Variants in HTT observed in about 807,000 individuals in gnomAD.
The protein encoded by HTT is huntingtin, also known as huntington disease protein.
In HTT, 104 loss-of-function variants were observed where a neutral mutation model predicts 362.3. The observed-to-expected ratio is 0.29, with a 90% CI of 0.24 to 0.34. The LOEUF (loss-of-function observed/expected upper bound fraction) is 0.34. Among genes scored for constraint, HTT ranks in the 10% least tolerant of loss-of-function variants. HTT has a pLI of 1.00. For missense variants in HTT, 3,301 were observed against 3,928.6 expected (o/e 0.84, Z 4.27); for synonymous variants, 1,577 against 1,548.7 (o/e 1.02, Z -0.43).
At position 3,218,371 on chromosome 4, in the gene HTT, G is replaced by T. The variant is rs1037018797; in HGVS notation, c.7242+419G>T. Among the ~76,000 whole-genome samples the T allele has an allele frequency of 2.6e-5, 4 of 152,208 alleles. No homozygotes were observed. The highest frequency in any genetic ancestry group is 5.9e-5 in the Non-Finnish European group (4 of 68,040). On this transcript the variant is annotated intron_variant, in intron 52 of 66. Transcript: ENST00000355072. The surrounding 1 kb of genome is among the most constrained non-coding windows in gnomAD (Gnocchi z 4.4). The stretch of plus-strand genomic sequence containing the variant: ...GTTATTGCCAGGCGCAGTAGCTCAT[G>T]CCTGTAATCCCAGCACTTTGGGAAG...
intron 23 of HTT, 123 bp downstream of exon 23, chr4:3,143,009 A>C: frequency 1.5e-6 from 1 of 651,834 alleles, no homozygotes; most frequent in East Asian, 2.6e-5. Flanking sequence ...CTTATCCATG[A>C]GGCTTGCTAA....
chr4:3,225,437 C>T (rs1720865335), intron 56 of HTT, among the ~76,000 whole-genome samples: 1 of 152,250 alleles, frequency 6.6e-6, no homozygotes, highest in Admixed American at 6.5e-5. Flanking sequence ...GAAAAAGTGA[C>T]AGAGTCCAGC....
At chr4:3,181,467 A>G (rs1165582188) in intron 36 of HTT, among the ~76,000 whole-genome samples, 1 of 152,172 alleles carries the variant, frequency 6.6e-6, no homozygotes, top group South Asian at 2.1e-4. Flanking sequence ...TAAGAATTCA[A>G]AGACATTTTG....
intron 46 of HTT, 65 bp from the exon 47 acceptor site, chr4:3,209,762 C>T: frequency 6.3e-7 from 1 of 1,595,190 alleles, no homozygotes; most frequent in South Asian, 1.1e-5. Flanking sequence ...CCTGTAGCTC[C>T]AGGGATGTGA....
At chr4:3,147,225 G>A (rs1293402108) in intron 25 of HTT, among the ~76,000 whole-genome samples, 3 of 152,172 alleles carry the variant, frequency 2.0e-5, no homozygotes, top group African/African-American at 7.2e-5. Flanking sequence ...GGCACCATAT[G>A]CCAGTACTCC....
intron 8 of HTT, among the ~76,000 whole-genome samples, chr4:3,118,495 A>G (rs1715136937): frequency 6.6e-6 from 1 of 152,210 alleles, no homozygotes; most frequent in Non-Finnish European, 1.5e-5. Context: ...CTTTATAGAC[A>G]GAAAATGTGG....
chr4:3,083,789 TAATCCTAGAGA>T (rs1304403021), intron 1 of HTT, among the ~76,000 whole-genome samples: 1 of 152,114 alleles, frequency 6.6e-6, no homozygotes, highest in Non-Finnish European at 1.5e-5. Flanking sequence ...TCCTGGGCAT[TAATCCTAGAGA>T]AATGAAACCT....
Position 3,131,323 on chromosome 4 carries a change from A to C in HTT, c.2024A>C (p.Asp675Ala). Residue 675 changes from aspartate (D) to alanine (A), a missense_variant, in exon 15 of 67, where the codon GAT becomes GCT. Physicochemically the swap from Asp to Ala is moderately radical, Grantham distance 126. This residue lies in a region of HTT where 2,316 missense variants were observed against 2,658.5 expected (regional missense o/e 0.87). Transcript: ENST00000355072. The stretch of plus-strand genomic sequence containing the variant: ...AAAGGTGACATTGGACAGTCCACTG[A>C]TGATGACTCTGCACCTCTTGTCCAT... ...RIKGDIGQSTDDDSAPLVHCV... is the reference protein window; with the variant it reads ...RIKGDIGQSTADDSAPLVHCV... The C allele has an allele frequency of 1.2e-6, 2 of 1,614,042 alleles. No individual in the cohort carries two copies. Among genetic ancestry groups the C allele is most frequent in the Non-Finnish European group, 1.7e-6 (2 of 1,179,980 alleles).
rs576215604 is a variant in HTT at position 3,232,713 on chromosome 4, C to T, written c.8266-450C>T. ...CCCGAGGACACCAGGCTTGAGCTTC[C>T]AGAATCCTCTCCCAGCGGGGTCGTG... On this transcript the variant is annotated intron_variant, in intron 60 of 66. Transcript: ENST00000355072. Among the ~76,000 whole-genome samples the T allele has an allele frequency of 1.2e-4, 18 of 152,372 alleles. No homozygotes were observed. In the East Asian group the frequency reaches 2.9e-3, roughly 24 times the overall value.
chr4:3,211,228 T>G (rs1162026042), intron 47 of HTT, among the ~76,000 whole-genome samples: 1 of 152,196 alleles, frequency 6.6e-6, no homozygotes, highest in African/African-American at 2.4e-5. Context: ...TTAAGATTCA[T>G]GCAGTGAAAG....
chr4:3,173,014 T>A lies in HTT; in HGVS notation c.4049T>A (p.Val1350Glu). 1 of 1,614,162 alleles carries A rather than the reference T, an allele frequency of 6.2e-7. No homozygotes were observed. Among genetic ancestry groups the A allele is most frequent in the African/African-American group, 1.3e-5 (1 of 75,048 alleles). Residue 1350 changes from valine (V) to glutamate (E), a missense_variant, in exon 31 of 67, where the codon GTG (valine) becomes GAG (glutamate). This residue lies in a region of HTT where 2,316 missense variants were observed against 2,658.5 expected (regional missense o/e 0.87). Coordinates refer to ENST00000355072, the MANE Select transcript of HTT (RefSeq NM_001388492.1). ...GCACAGCGCCTTGGCTCCTCCAGTG[T>A]GAGGCCAGGCTTGTACCACTACTGC... Reference protein sequence around the residue: ...GRAQRLGSSSVRPGLYHYCFM... With the variant: ...GRAQRLGSSSERPGLYHYCFM...
intron 29 of HTT, among the ~76,000 whole-genome samples, chr4:3,169,427 T>C (rs1717866424): frequency 1.3e-5 from 2 of 152,230 alleles, no homozygotes; most frequent in Admixed American, 6.5e-5. Flanking sequence ...TCCCATAGCT[T>C]ACTGATGCTC....
intron 13 of HTT, 50 bp from the exon 14 acceptor site, chr4:3,130,255 T>C: frequency 8.5e-7 from 1 of 1,182,562 alleles, no homozygotes. Context: ...TGTATAATTG[T>C]ATTTTAAGTG....
intron 53 of HTT, among the ~76,000 whole-genome samples, chr4:3,221,828 A>C (rs767524960): frequency 9.2e-5 from 14 of 152,292 alleles, no homozygotes; most frequent in Middle Eastern, 3.4e-3. Flanking sequence ...CACTCTTTTT[A>C]ATCTATTCTT....
intron 49 of HTT, among the ~76,000 whole-genome samples, chr4:3,213,503 G>A (rs1720257817): frequency 6.6e-6 from 1 of 152,240 alleles, no homozygotes; most frequent in Non-Finnish European, 1.5e-5. Context: ...AGGAAAGCAA[G>A]GCTTAGAGAA....
chr4:3,166,725 G>T (rs1717730917), intron 29 of HTT, among the ~76,000 whole-genome samples: 1 of 152,278 alleles, frequency 6.6e-6, no homozygotes, highest in South Asian at 2.1e-4. Context: ...AAGGCCCCAT[G>T]GGCGTGGGAC....
At chr4:3,145,123 G>T (rs372453677) in intron 23 of HTT, 29 bp from the exon 24 acceptor site, 1 of 1,511,644 alleles carries the variant, frequency 6.6e-7, no homozygotes, top group African/African-American at 1.4e-5. Context: ...TGGTGTTTGG[G>T]TGTGATTTTA....
chr4:3,152,612 C>T (rs1054143491), intron 26 of HTT, among the ~76,000 whole-genome samples: 1 of 152,150 alleles, frequency 6.6e-6, no homozygotes, highest in Admixed American at 6.5e-5. Context: ...GTCTTCTGGA[C>T]ATTACTGTGG....
chr4:3,150,377 G>A (rs1304733270), intron 26 of HTT, among the ~76,000 whole-genome samples: 1 of 152,182 alleles, frequency 6.6e-6, no homozygotes, highest in Non-Finnish European at 1.5e-5. Context: ...CAGCCTGAGA[G>A]TCGGGGCTGT....
Sources: gnomAD v4.1 joint callset for allele counts (sites outside exome capture counted in the v4.1 genomes callset) on GRCh38, gnomAD v4.1.1 for gene constraint, gnomAD v4.1.1 regional missense constraint, Gnocchi (gnomAD v3.1) non-coding constraint, MANE v1.5 for transcripts, NCBI Gene and HGNC (gene_info 2026-07-23, HGNC 2026-07-21) for gene names.